Variants in PCDH15 observed in about 807,000 individuals in gnomAD.
PCDH15 encodes the protein protocadherin related 15, also known as protocadherin-15.
A neutral mutation model predicts 178.5 loss-of-function variants in PCDH15; 129 were observed. The ratio of observed to expected loss-of-function variants is 0.72; its 90% CI spans 0.63 to 0.84. The LOEUF is 0.84. Ranked by LOEUF, PCDH15 falls within the 40% of genes least tolerant of loss-of-function variation. The pLI, the probability that PCDH15 is intolerant of heterozygous loss-of-function variation, is 0.00. For missense variants in PCDH15, 2,230 were observed against 2,099.9 expected (o/e 1.06, Z -1.21); for synonymous variants, 800 against 732.0 (o/e 1.09, Z -1.50).
chr10:53,932,833 C>G (rs961739744), intron 25 of PCDH15, among the ~76,000 whole-genome samples: 47 of 152,094 alleles, frequency 3.1e-4, no homozygotes, highest in African/African-American at 1.1e-3. Flanking sequence ...AGGTTTTAAT[C>G]CAATCGGGTG....
chr10:54,641,844 G>T (rs941916550), intron 2 of PCDH15, among the ~76,000 whole-genome samples: 1 of 151,004 alleles, frequency 6.6e-6, no homozygotes, highest in Non-Finnish European at 1.5e-5. Context: ...TACTATTTCT[G>T]CCCCCTTCCC....
chr10:55,101,004 C>T (rs1307200286), intron 2 of PCDH15, among the ~76,000 whole-genome samples: 4 of 152,064 alleles, frequency 2.6e-5, no homozygotes, highest in Admixed American at 1.3e-4. Flanking sequence ...TCTCTTCAGT[C>T]CAATTGTTTA....
intron 2 of PCDH15, among the ~76,000 whole-genome samples, chr10:55,556,795 C>T (rs776056188): frequency 2.0e-5 from 3 of 152,196 alleles, no homozygotes; most frequent in East Asian, 1.9e-4. Context: ...GAGCCTAGAT[C>T]GCACCACTGT....
chr10:54,163,746 A>G (rs919405772), intron 13 of PCDH15, among the ~76,000 whole-genome samples: 4 of 152,136 alleles, frequency 2.6e-5, no homozygotes, highest in Non-Finnish European at 4.4e-5. Context: ...CAGAGTAGGG[A>G]ACATTCTTTT....
intron 2 of PCDH15, among the ~76,000 whole-genome samples, chr10:55,043,097 G>GT (rs1840908810): frequency 6.6e-6 from 1 of 151,964 alleles, no homozygotes; most frequent in Admixed American, 6.6e-5. Flanking sequence ...CCTAAGGAAT[G>GT]TTTTTAGAAC....
chr10:54,563,231 T>C (rs1287856207), intron 2 of PCDH15, among the ~76,000 whole-genome samples: 1 of 152,188 alleles, frequency 6.6e-6, no homozygotes, highest in Non-Finnish European at 1.5e-5. Context: ...GGTTTTGAAA[T>C]AAGCCCAGTT....
rs568833584 is a variant in PCDH15 at position 54,599,549 on chromosome 10, A to T, written c.91+64623T>A. ...TTAAATGTAAAACCCAAAACTATAA[A>T]AGCACTGGAAGACAACATAGGCAAT... On this transcript the variant is annotated intron_variant, in intron 2 of 37. Coordinates refer to ENST00000644397, the MANE Select transcript of PCDH15 (RefSeq NM_001384140.1). 8.9e-4 allele frequency: 176 copies of T among 197,928 alleles called. 1 individual carries two copies. The highest frequency in any genetic ancestry group is 4.0e-3 in the African/African-American group (169 of 42,012). 12.3% of individuals were successfully genotyped at this position (197,928 alleles called of 1,614,324 possible).
At chr10:55,624,545 G>A (rs1476687518) in intron 2 of PCDH15, among the ~76,000 whole-genome samples, 3 of 152,082 alleles carry the variant, frequency 2.0e-5, no homozygotes, top group Non-Finnish European at 4.4e-5. Context: ...CTATTGATAT[G>A]TGATGCTGCA....
At chr10:54,893,450 C>T (rs1954497978) in intron 3 of PCDH15, among the ~76,000 whole-genome samples, 1 of 151,750 alleles carries the variant, frequency 6.6e-6, no homozygotes, top group Non-Finnish European at 1.5e-5. Flanking sequence ...TGAGGTAAGT[C>T]CTCACCCCAA....
At chr10:55,378,360 T>G (rs1170565132) in intron 2 of PCDH15, among the ~76,000 whole-genome samples, 1 of 152,084 alleles carries the variant, frequency 6.6e-6, no homozygotes, top group East Asian at 1.9e-4. Context: ...AATCATAATA[T>G]GTTGAAAAAA....
intron 8 of PCDH15, among the ~76,000 whole-genome samples, chr10:54,276,828 T>C (rs1192266765): frequency 6.6e-6 from 1 of 151,668 alleles, no homozygotes; most frequent in Non-Finnish European, 1.5e-5. Context: ...CAGTATATCA[T>C]TTCCACAAAT....
At chr10:54,809,991 T>C (rs997164087) in intron 3 of PCDH15, among the ~76,000 whole-genome samples, 1 of 152,180 alleles carries the variant, frequency 6.6e-6, no homozygotes, top group Non-Finnish European at 1.5e-5. Flanking sequence ...TCAGAGGAGA[T>C]GCTTCTCTCA....
intron 1 of PCDH15, among the ~76,000 whole-genome samples, chr10:54,795,209 C>T (rs571571011): frequency 4.0e-5 from 6 of 151,638 alleles, no homozygotes; most frequent in Non-Finnish European, 8.9e-5. Flanking sequence ...TGTCCTTGGT[C>T]GATCTTCACT....
intron 14 of PCDH15, among the ~76,000 whole-genome samples, chr10:54,134,760 G>GAA (rs149941796): frequency 2.2e-5 from 2 of 90,966 alleles, no homozygotes; most frequent in Non-Finnish European, 2.4e-5. Context: ...CTCAAAAAAA[G>GAA]AAAAAAAAAA....
chr10:54,100,311 G>T (rs1216175743), intron 15 of PCDH15, among the ~76,000 whole-genome samples: 1 of 151,130 alleles, frequency 6.6e-6, no homozygotes, highest in African/African-American at 2.4e-5. Context: ...GTTACAGTCA[G>T]CCAAGATCAC....
intron 13 of PCDH15, among the ~76,000 whole-genome samples, chr10:54,164,100 C>T (rs987641850): frequency 6.6e-6 from 1 of 152,136 alleles, no homozygotes; most frequent in South Asian, 2.1e-4. Context: ...CAGAAGCTTT[C>T]GCTAGTGAAA....
intron 2 of PCDH15, among the ~76,000 whole-genome samples, chr10:55,393,015 G>GTA (rs1491010126): frequency 7.3e-6 from 1 of 137,276 alleles, no homozygotes; most frequent in Non-Finnish European, 1.6e-5. Context: ...GTGTGTGTGT[G>GTA]TATTTTTGTT....
At chr10:55,394,530 T>C (rs559999847) in intron 2 of PCDH15, among the ~76,000 whole-genome samples, 4 of 152,126 alleles carry the variant, frequency 2.6e-5, no homozygotes, top group Non-Finnish European at 4.4e-5. Flanking sequence ...GATCTCAATA[T>C]ACAGCCAGGA....
intron 2 of PCDH15, among the ~76,000 whole-genome samples, chr10:55,460,310 G>C (rs1414767593): frequency 6.6e-6 from 1 of 151,716 alleles, no homozygotes; most frequent in African/African-American, 2.4e-5. Context: ...TAAAATAAAA[G>C]TATTGGTGAG....
Sources: gnomAD v4.1 joint callset for allele counts (sites outside exome capture counted in the v4.1 genomes callset) on GRCh38, gnomAD v4.1.1 for gene constraint, MANE v1.5 for transcripts, NCBI Gene and HGNC (gene_info 2026-07-23, HGNC 2026-07-21) for gene names.